Variants in COQ5 observed in about 807,000 individuals in gnomAD.
The protein encoded by COQ5 is 2-methoxy-6-polyprenyl-1,4-benzoquinol methylase, mitochondrial.
COQ5 carries 27 observed loss-of-function variants against 40.5 expected under a neutral mutation model. The observed-to-expected ratio is 0.67, with a 90% CI of 0.49 to 0.92. COQ5 has a LOEUF of 0.92. Among genes scored for constraint, COQ5 ranks in the 40% least tolerant of loss-of-function variants. The probability of loss-of-function intolerance (pLI) is 0.00; values close to 1 mark genes in which losing one functional copy is unlikely to be tolerated. For missense variants in COQ5, 409 were observed against 406.4 expected (o/e 1.01, Z -0.06); for synonymous variants, 141 against 150.0 (o/e 0.94, Z 0.44).
At chr12:120,513,978 T>C (rs891930741) in intron 3 of COQ5, among the ~76,000 whole-genome samples, 4 of 152,304 alleles carry the variant, frequency 2.6e-5, no homozygotes, top group South Asian at 4.1e-4. Context: ...CCTACACAGA[T>C]GCATTTGTCT....
intron 1 of COQ5, 85 bp from the exon 2 acceptor site, chr12:120,522,448 C>G: frequency 7.4e-7 from 1 of 1,352,424 alleles, no homozygotes; most frequent in Non-Finnish European, 1.1e-6. Flanking sequence ...AAGCTTTTTT[C>G]CCCTGAAATG....
intron 2 of COQ5, among the ~76,000 whole-genome samples, chr12:120,520,937 T>C (rs1475525286): frequency 2.0e-5 from 3 of 151,760 alleles, no homozygotes; most frequent in African/African-American, 4.8e-5. Flanking sequence ...TATAAAGTGA[T>C]AAAAGGCTTC....
rs1359912607 is a variant in COQ5 at position 120,520,073 on chromosome 12, T to G, written c.352+2141A>C. On this transcript the variant is annotated intron_variant, in intron 2 of 6. Coordinates refer to ENST00000288532, the MANE Select transcript of COQ5 (RefSeq NM_032314.4). Reference sequence around the variant, plus strand: ...TCTATTGTAATTTATCATTATACATTACTCTATCGTTACTAATTATCAAAT... The same window carrying G: ...TCTATTGTAATTTATCATTATACATGACTCTATCGTTACTAATTATCAAAT... Among the ~76,000 whole-genome samples, 4 of 151,762 alleles carry G rather than the reference T, an allele frequency of 2.6e-5. No homozygotes were observed. In the South Asian group the frequency reaches 8.3e-4, roughly 31 times the overall value.
chr12:120,516,827 CA>C, intron 2 of COQ5, 39 bp from the exon 3 acceptor site: 1 of 1,561,216 alleles, frequency 6.4e-7, no homozygotes, highest in South Asian at 1.1e-5. Flanking sequence ...CAGACTAAAA[CA>C]AAAATAAAAA....
rs1002075333 is a variant in COQ5, at chr12:120,503,454, G to C, written c.*330C>G. 5 of 449,646 alleles carry C rather than the reference G, an allele frequency of 1.1e-5. No homozygotes were observed. Among genetic ancestry groups the C allele is most frequent in the African/African-American group, 1.0e-4 (5 of 50,088 alleles). 27.9% of individuals were successfully genotyped at this position (449,646 alleles called of 1,614,324 possible). ...ATCATCCCTCTAGAAGGCAGCACCA[G>C]CAGAGAAGCTATAAATACACTCACT... On this transcript the variant is annotated 3_prime_UTR_variant, in exon 7 of 7. Transcript: ENST00000288532.
Position 120,503,900 on chromosome 12 carries a change from A to G in COQ5, c.883-15T>C. On this transcript the variant is annotated splice_polypyrimidine_tract_variant and intron_variant, in intron 6 of 6. Transcript: ENST00000288532. Reference sequence around the variant, plus strand: ...TTGAACTCTTCCTGAAACACAAGGAAAGATGATAAAGCCAGGGTAGCCTGG... The same window carrying G: ...TTGAACTCTTCCTGAAACACAAGGAGAGATGATAAAGCCAGGGTAGCCTGG... The G allele has an allele frequency of 6.2e-7, 1 of 1,608,968 alleles. No individual in the cohort carries two copies. Among genetic ancestry groups the G allele is most frequent in the South Asian group, 1.1e-5 (1 of 90,984 alleles).
rs908213012 is a variant in COQ5 at position 120,503,705 on chromosome 12, G to A, written c.*79C>T. ...CCTTAAGAGGAGATGCTCTGCTGCT[G>A]TCTCATTTGCCAGATTATCCTTCAG... On this transcript the variant is annotated 3_prime_UTR_variant, in exon 7 of 7. Coordinates refer to ENST00000288532, the MANE Select transcript of COQ5 (RefSeq NM_032314.4). 2.0e-6 allele frequency: 2 copies of A among 1,011,268 alleles called. No individual in the cohort carries two copies. The highest frequency in any genetic ancestry group is 3.1e-6 in the Non-Finnish European group (2 of 638,624). 62.6% of individuals were successfully genotyped at this position (1,011,268 alleles called of 1,614,324 possible).
chr12:120,505,001 C>T lies in COQ5; in HGVS notation c.682-18G>A, dbSNP rs369928229. 1 of 1,598,058 alleles carries T rather than the reference C, an allele frequency of 6.3e-7. No homozygotes were observed. Among genetic ancestry groups the T allele is most frequent in the East Asian group, 2.2e-5 (1 of 44,822 alleles). ...TGGAGTGCCTGAGCAAGACAAGGAACAACAGGACACACTCCTCAGTAGACC... is the reference window on the plus strand; with the variant it reads ...TGGAGTGCCTGAGCAAGACAAGGAATAACAGGACACACTCCTCAGTAGACC... On this transcript the variant is annotated intron_variant, in intron 4 of 6. Transcript: ENST00000288532.
chr12:120,503,911 G>C (rs1413091230), intron 6 of COQ5, 26 bp from the exon 7 acceptor site: 1 of 1,601,920 alleles, frequency 6.2e-7, no homozygotes, highest in Admixed American at 1.7e-5. Flanking sequence ...AGATGATAAA[G>C]CCAGGGTAGC....
chr12:120,526,599 G>A, intron 1 of COQ5: 2 of 309,286 alleles, frequency 6.5e-6, no homozygotes, highest in South Asian at 5.3e-5. Context: ...ATCAGAAGTA[G>A]ATAAAAACTT....
chr12:120,525,672 C>T (rs566929603), intron 1 of COQ5, among the ~76,000 whole-genome samples: 1 of 152,088 alleles, frequency 6.6e-6, no homozygotes, highest in Non-Finnish European at 1.5e-5. Flanking sequence ...TGCCTATAAT[C>T]CCAGAACTTT....
chr12:120,515,242 C>A (rs1010065262), intron 3 of COQ5, among the ~76,000 whole-genome samples: 6 of 152,114 alleles, frequency 3.9e-5, no homozygotes, highest in Non-Finnish European at 8.8e-5. Context: ...CAGGTGTGTA[C>A]CACCACACTT....
At chr12:120,526,387 A>T in intron 1 of COQ5, 1 of 433,716 alleles carries the variant, frequency 2.3e-6, no homozygotes, top group Non-Finnish European at 4.6e-6. Context: ...GACTGTGGGA[A>T]TATTGACACT....
chr12:120,525,013 G>A (rs1225483749), intron 1 of COQ5, among the ~76,000 whole-genome samples: 1 of 150,408 alleles, frequency 6.6e-6, no homozygotes, highest in Non-Finnish European at 1.5e-5. Context: ...GGGTTTCACT[G>A]CTAGCCAGGA....
At chr12:120,526,655 T>C (rs751188942) in intron 1 of COQ5, 153 of 252,586 alleles carry the variant, frequency 6.1e-4, no homozygotes, top group Non-Finnish European at 1.1e-3. Context: ...AGATATTTCA[T>C]ACGACAAGAA....
In COQ5 at chr12:120,510,130, G is replaced by C. The variant is rs74578594; in HGVS notation, c.575-7C>G. The stretch of plus-strand genomic sequence containing the variant: ...CCTAATACCCATGCAAGTCCTGAAA[G>C]AGAAAGTGAGTTCCGGGTCTCAGTG... On this transcript the variant is annotated splice_region_variant and splice_polypyrimidine_tract_variant and intron_variant, in intron 3 of 6. Transcript: ENST00000288532. The C allele has an allele frequency of 5.6e-3, 8,940 of 1,606,548 alleles. 435 individuals are homozygous for C. The African/African-American group carries it at 0.1, about 19-fold the overall frequency.
At chr12:120,521,028 T>C (rs1026160061) in intron 2 of COQ5, among the ~76,000 whole-genome samples, 3 of 151,260 alleles carry the variant, frequency 2.0e-5, no homozygotes, top group African/African-American at 7.3e-5. Context: ...GAAATGTCAC[T>C]GGTCAAAAAT....
At chr12:120,509,961 T>C in intron 4 of COQ5, 56 bp downstream of exon 4, 2 of 1,363,332 alleles carry the variant, frequency 1.5e-6, no homozygotes, top group South Asian at 2.3e-5. Context: ...ACTGTAGCTC[T>C]ACAACAGAGG....
At chr12:120,505,124 C>G in intron 4 of COQ5, 141 bp from the exon 5 acceptor site, 1 of 722,622 alleles carries the variant, frequency 1.4e-6, no homozygotes, top group Non-Finnish European at 2.5e-6. Context: ...ACTTGGGAAG[C>G]TGTAACAGCA....
Sources: gnomAD v4.1 joint callset for allele counts (sites outside exome capture counted in the v4.1 genomes callset) on GRCh38, gnomAD v4.1.1 for gene constraint, MANE v1.5 for transcripts, NCBI Gene and HGNC (gene_info 2026-07-23, HGNC 2026-07-21) for gene names.